The following ATP9B variants were observed in gnomAD, a reference collection of about 807,000 sequenced individuals.
ATP9B encodes the protein ATPase phospholipid transporting 9B.
ATP9B carries 110 observed loss-of-function variants against 146.1 expected under a neutral mutation model. The observed-to-expected ratio is 0.75, with a 90% confidence interval of 0.65 to 0.88. The LOEUF is 0.88. Ranked by LOEUF, ATP9B falls within the 40% of genes least tolerant of loss-of-function variation. The probability of loss-of-function intolerance (pLI) is 0.00; values close to 1 mark genes in which losing one functional copy is unlikely to be tolerated. For missense variants in ATP9B, 1,499 were observed against 1,496.4 expected (o/e 1.00, Z -0.03); for synonymous variants, 604 against 569.7 (o/e 1.06, Z -0.86).
chr18:79,323,542 G>A (rs1316656442), intron 15 of ATP9B, among the ~76,000 whole-genome samples: 1 of 152,088 alleles, frequency 6.6e-6, no homozygotes, highest in African/African-American at 2.4e-5. Flanking sequence ...TCCCACATAA[G>A]AATGAGAAGA....
chr18:79,305,086 G>A (rs760738414), intron 14 of ATP9B, among the ~76,000 whole-genome samples: 1 of 152,202 alleles, frequency 6.6e-6, no homozygotes, highest in Non-Finnish European at 1.5e-5. Flanking sequence ...AGTTCCCAGC[G>A]CTGCATGGCA....
At chr18:79,217,559 G>A (rs1008781562) in intron 11 of ATP9B, among the ~76,000 whole-genome samples, 2 of 152,228 alleles carry the variant, frequency 1.3e-5, no homozygotes, top group Admixed American at 6.5e-5. Flanking sequence ...ATTTCTGAGT[G>A]TTAAATGCTA....
intron 5 of ATP9B, among the ~76,000 whole-genome samples, chr18:79,137,669 G>T (rs2094463875): frequency 6.6e-6 from 1 of 152,194 alleles, no homozygotes; most frequent in African/African-American, 2.4e-5. Flanking sequence ...TTCTCCTTCA[G>T]GAACTCTGCC....
At chr18:79,321,641 TTC>T (rs2096716878) in intron 15 of ATP9B, among the ~76,000 whole-genome samples, 1 of 152,228 alleles carries the variant, frequency 6.6e-6, no homozygotes, top group Non-Finnish European at 1.5e-5. Context: ...AATTTGGATA[TTC>T]TTTTTTTCTG....
At chr18:79,319,291 AG>A (rs1204633378) in intron 15 of ATP9B, among the ~76,000 whole-genome samples, 1 of 152,260 alleles carries the variant, frequency 6.6e-6, no homozygotes, top group Non-Finnish European at 1.5e-5. Flanking sequence ...TGCTTCAATA[AG>A]AAAATAAAAT....
At chr18:79,083,043 G>A (rs1413233170) in intron 1 of ATP9B, among the ~76,000 whole-genome samples, 1 of 152,222 alleles carries the variant, frequency 6.6e-6, no homozygotes, top group South Asian at 2.1e-4. Flanking sequence ...ACAGGAAGAT[G>A]GGAGTTTTAT....
At chr18:79,079,931 A>G (rs150125650) in intron 1 of ATP9B, among the ~76,000 whole-genome samples, 322 of 152,286 alleles carry the variant, frequency 2.1e-3, no homozygotes, top group African/African-American at 7.3e-3. Context: ...TGTTTTTGTC[A>G]GGTTTGTTAA....
chr18:79,183,641 T>G (rs886685029), intron 8 of ATP9B, among the ~76,000 whole-genome samples: 1 of 152,160 alleles, frequency 6.6e-6, no homozygotes, highest in East Asian at 1.9e-4. Flanking sequence ...CAATATTTTT[T>G]TCAATGATTT....
At chr18:79,355,453 C>G (rs1197387540) in intron 25 of ATP9B, among the ~76,000 whole-genome samples, 3 of 151,658 alleles carry the variant, frequency 2.0e-5, no homozygotes, top group Non-Finnish European at 2.9e-5. Context: ...AGAAATAACC[C>G]AGACAAAAAA....
intron 1 of ATP9B, among the ~76,000 whole-genome samples, chr18:79,089,994 G>A (rs1424790728): frequency 6.6e-6 from 1 of 152,026 alleles, no homozygotes; most frequent in African/African-American, 2.4e-5. Flanking sequence ...TCTTTTTTAA[G>A]CTCCCACATG....
At chr18:79,096,029 A>G (rs577506089) in intron 1 of ATP9B, among the ~76,000 whole-genome samples, 1 of 152,378 alleles carries the variant, frequency 6.6e-6, no homozygotes, top group African/African-American at 2.4e-5. Context: ...AGACAGCTAC[A>G]TACTGTCGAA....
At chr18:79,308,181 T>C (rs2146573201) in intron 15 of ATP9B, among the ~76,000 whole-genome samples, 1 of 152,104 alleles carries the variant, frequency 6.6e-6, no homozygotes, top group South Asian at 2.1e-4. Flanking sequence ...AGACAGACCA[T>C]AGCAAGGACT....
intron 26 of ATP9B, among the ~76,000 whole-genome samples, chr18:79,365,547 A>G (rs8092403): frequency 0.27 from 40,733 of 152,268 alleles, 6,395 homozygotes; most frequent in African/African-American, 0.44. Flanking sequence ...ACTAAATCCT[A>G]TATATGAATG....
intron 29 of ATP9B, chr18:79,376,388 CATTT>C (rs1307813829): frequency 9.5e-5 from 85 of 890,338 alleles, no homozygotes; most frequent in Non-Finnish European, 1.1e-4. Context: ...CATCTGCAAC[CATTT>C]TTTTTTTTTT....
chr18:79,260,689 A>G (rs2145282366), intron 12 of ATP9B, among the ~76,000 whole-genome samples: 1 of 152,362 alleles, frequency 6.6e-6, no homozygotes, highest in South Asian at 2.1e-4. Context: ...GGCAGGAAAC[A>G]GCTTGATAGA....
intron 11 of ATP9B, among the ~76,000 whole-genome samples, chr18:79,230,497 T>G (rs1599105023): frequency 6.6e-6 from 1 of 152,172 alleles, no homozygotes; most frequent in African/African-American, 2.4e-5. Flanking sequence ...AAATAATACT[T>G]AGGAATGTAC....
chr18:79,170,654 T>G (rs1320259782), intron 7 of ATP9B, among the ~76,000 whole-genome samples: 1 of 152,224 alleles, frequency 6.6e-6, no homozygotes, highest in Non-Finnish European at 1.5e-5. Context: ...AATTGTTGTT[T>G]CTGAGTTTAA....
chr18:79,150,980 C>T (rs1386213319), intron 6 of ATP9B, among the ~76,000 whole-genome samples: 1 of 151,998 alleles, frequency 6.6e-6, no homozygotes, highest in Non-Finnish European at 1.5e-5. Context: ...CAGTTCATGC[C>T]CATGGTTAGA....
At chr18:79,090,881 C>T (rs1249050706) in intron 1 of ATP9B, among the ~76,000 whole-genome samples, 1 of 151,974 alleles carries the variant, frequency 6.6e-6, no homozygotes, top group Non-Finnish European at 1.5e-5. Context: ...GAGATTTCCC[C>T]CAATATTTTC....
Sources: allele counts gnomAD v4.1 joint callset (sites outside exome capture counted in the v4.1 genomes callset), GRCh38; gene constraint gnomAD v4.1.1; transcripts MANE v1.5; gene names NCBI Gene and HGNC (gene_info 2026-07-23, HGNC 2026-07-21).